DIS3L2: variants seen among roughly 807,000 people sequenced by gnomAD.
DIS3L2 encodes DIS3 like 3'-5' exoribonuclease 2, also known as DIS3-like exonuclease 2.
Under a neutral mutation model 97.5 loss-of-function variants are expected in DIS3L2, and 34 were observed. The ratio of observed to expected loss-of-function variants is 0.35; its 90% CI spans 0.27 to 0.46. The LOEUF is 0.46. Ranked by LOEUF, DIS3L2 falls within the 20% of genes least tolerant of loss-of-function variation. The pLI is 1.00. For missense variants in DIS3L2, 1,038 were observed against 1,146.0 expected, an observed-to-expected ratio of 0.91 and a Z score of 1.36; for synonymous variants, 435 against 445.2, an observed-to-expected ratio of 0.98 and a Z score of 0.29.
chr2:232,190,576 AAAG>A (rs1268189182), intron 9 of DIS3L2, among the ~76,000 whole-genome samples: 1 of 151,978 alleles, frequency 6.6e-6, no homozygotes, highest in Non-Finnish European at 1.5e-5. Context: ...AGAGAGAGAG[AAAG>A]AAGAGAGAGA....
chr2:232,213,079 G>C (rs1426564937), intron 10 of DIS3L2, among the ~76,000 whole-genome samples: 1 of 152,160 alleles, frequency 6.6e-6, no homozygotes, highest in Non-Finnish European at 1.5e-5. Context: ...AATAGATGCA[G>C]TCCGTGGAAC....
chr2:232,260,929 G>T (rs1693696705), intron 12 of DIS3L2, among the ~76,000 whole-genome samples: 1 of 152,186 alleles, frequency 6.6e-6, no homozygotes, highest in African/African-American at 2.4e-5. Context: ...GAGAGCTTGT[G>T]AACAGAAGGG....
intron 1 of DIS3L2, among the ~76,000 whole-genome samples, chr2:232,000,977 C>T (rs1008506642): frequency 6.6e-6 from 1 of 151,874 alleles, no homozygotes; most frequent in African/African-American, 2.4e-5. Context: ...TAGGTTGATT[C>T]CGTATCTTGG....
chr2:232,209,964 A>T (rs1423868446), intron 9 of DIS3L2, among the ~76,000 whole-genome samples: 6 of 152,208 alleles, frequency 3.9e-5, no homozygotes, highest in African/African-American at 1.4e-4. Flanking sequence ...CTGGAGAAGG[A>T]TATTTTACCA....
At chr2:232,305,029 A>C (rs1014966912) in intron 14 of DIS3L2, among the ~76,000 whole-genome samples, 5 of 152,256 alleles carry the variant, frequency 3.3e-5, no homozygotes, top group Admixed American at 2.6e-4. Flanking sequence ...GCAGTTTACT[A>C]TCGGCTGCTT....
chr2:232,237,383 A>G (rs1466489773), intron 10 of DIS3L2, among the ~76,000 whole-genome samples: 1 of 152,192 alleles, frequency 6.6e-6, no homozygotes, highest in East Asian at 1.9e-4. Flanking sequence ...AAGGAAAAAG[A>G]AAGTGGGTCC....
intron 13 of DIS3L2, among the ~76,000 whole-genome samples, chr2:232,297,701 C>CT (rs11309721): frequency 3.1e-3 from 330 of 106,082 alleles, no homozygotes; most frequent in South Asian, 5.2e-3. Context: ...CCTTCCAAGT[C>CT]TTTTTTTTTT....
chr2:232,044,100 A>G (rs752130793), intron 5 of DIS3L2, among the ~76,000 whole-genome samples: 14 of 152,004 alleles, frequency 9.2e-5, no homozygotes, highest in Non-Finnish European at 1.5e-4. Flanking sequence ...CCAGGCTGGC[A>G]GATGGAGAGG....
chr2:232,053,346 A>C (rs758637740), intron 5 of DIS3L2, among the ~76,000 whole-genome samples: 4 of 152,228 alleles, frequency 2.6e-5, no homozygotes, highest in Non-Finnish European at 5.9e-5. Context: ...GAATACTTAC[A>C]TGTCTAAAAG....
intron 14 of DIS3L2, among the ~76,000 whole-genome samples, chr2:232,319,473 G>A (rs1047550079): frequency 4.6e-5 from 7 of 152,216 alleles, no homozygotes; most frequent in African/African-American, 1.7e-4. Context: ...CTCCATCTTG[G>A]TGGCTGCACA....
intron 8 of DIS3L2, among the ~76,000 whole-genome samples, chr2:232,155,186 G>C (rs1049893563): frequency 4.8e-5 from 7 of 146,046 alleles, no homozygotes; most frequent in African/African-American, 1.8e-4. Flanking sequence ...GCTGGGAGCT[G>C]TAGACCGGAG....
intron 1 of DIS3L2, among the ~76,000 whole-genome samples, chr2:232,010,035 T>G (rs1048455364): frequency 8.5e-5 from 13 of 152,216 alleles, no homozygotes; most frequent in African/African-American, 3.1e-4. Flanking sequence ...TACCAAGGAA[T>G]TGGGAGCGAG....
intron 9 of DIS3L2, among the ~76,000 whole-genome samples, chr2:232,181,780 G>A (rs917353774): frequency 6.6e-6 from 1 of 151,962 alleles, no homozygotes; most frequent in Non-Finnish European, 1.5e-5. Context: ...TGGGATACAG[G>A]CGTGCATCAT....
chr2:232,266,031 G>A (rs1693849457), intron 13 of DIS3L2, among the ~76,000 whole-genome samples: 1 of 152,096 alleles, frequency 6.6e-6, no homozygotes, highest in Non-Finnish European at 1.5e-5. Context: ...ACCAACCAAT[G>A]GCTGCTGAAG....
intron 13 of DIS3L2, among the ~76,000 whole-genome samples, chr2:232,273,990 TA>T (rs1694074928): frequency 6.6e-6 from 1 of 152,176 alleles, no homozygotes; most frequent in Non-Finnish European, 1.5e-5. Flanking sequence ...ATAATTCCCA[TA>T]AGACAGAGGT....
intron 9 of DIS3L2, among the ~76,000 whole-genome samples, chr2:232,197,029 C>T (rs1026342528): frequency 6.6e-6 from 1 of 151,992 alleles, no homozygotes; most frequent in Non-Finnish European, 1.5e-5. Flanking sequence ...GCATTTTAGC[C>T]TGATAAATGG....
chr2:232,166,913 T>A (rs982236717), intron 9 of DIS3L2, among the ~76,000 whole-genome samples: 93 of 151,654 alleles, frequency 6.1e-4, no homozygotes, highest in African/African-American at 2.1e-3. Flanking sequence ...CCCAGCTACT[T>A]GGGAGGCCAA....
chr2:232,300,265 G>A, intron 14 of DIS3L2, 146 bp downstream of exon 14: 1 of 714,968 alleles, frequency 1.4e-6, no homozygotes, highest in South Asian at 1.8e-5. Context: ...AGCTGGCACA[G>A]AAATAGTCCT....
chr2:232,277,219 A>T (rs530386419), intron 13 of DIS3L2, among the ~76,000 whole-genome samples: 1 of 152,266 alleles, frequency 6.6e-6, no homozygotes, highest in Admixed American at 6.5e-5. Flanking sequence ...TAATGGGGTA[A>T]GATTTGGGAG....
Sources: allele counts gnomAD v4.1 joint callset (sites outside exome capture counted in the v4.1 genomes callset), GRCh38; gene constraint gnomAD v4.1.1; transcripts MANE v1.5; gene names NCBI Gene and HGNC (gene_info 2026-07-23, HGNC 2026-07-21).